Variants in CNOT2 observed in about 807,000 individuals in gnomAD.
CNOT2 encodes the protein CC chemokine receptor 4-negative regulator of transcription 2.
A neutral mutation model predicts 72.1 loss-of-function variants in CNOT2; 7 were observed. The observed-to-expected ratio is 0.10, with a 90% CI of 0.06 to 0.18. The LOEUF (loss-of-function observed/expected upper bound fraction) is 0.18. Among genes scored for constraint, CNOT2 ranks in the 10% least tolerant of loss-of-function variants. CNOT2 has a pLI of 1.00. For synonymous variants in CNOT2, 196 were observed against 225.6 expected (o/e 0.87, Z 1.17); for missense variants, 345 against 660.3 (o/e 0.52, Z 5.23).
chr12:70,285,121 T>G (rs1423107828), intron 2 of CNOT2, among the ~76,000 whole-genome samples: 1 of 152,238 alleles, frequency 6.6e-6, no homozygotes, highest in East Asian at 1.9e-4. Flanking sequence ...GTGTACTCAT[T>G]AAATCAAAAG....
intron 1 of CNOT2, among the ~76,000 whole-genome samples, chr12:70,252,515 A>C (rs1958192015): frequency 6.6e-6 from 1 of 152,208 alleles, no homozygotes; most frequent in Admixed American, 6.5e-5. Context: ...TTATCATAAC[A>C]AAAGTTAATG....
intron 1 of CNOT2, among the ~76,000 whole-genome samples, chr12:70,267,567 T>C (rs896279662): frequency 1.8e-4 from 28 of 152,246 alleles, no homozygotes; most frequent in Admixed American, 1.6e-3. Context: ...TGAACACATC[T>C]TTTTTGAGTA....
intron 1 of CNOT2, among the ~76,000 whole-genome samples, chr12:70,254,345 TAATC>T (rs1449925781): frequency 6.6e-6 from 1 of 152,146 alleles, no homozygotes; most frequent in Non-Finnish European, 1.5e-5. Context: ...GTCAGTCTGA[TAATC>T]AAGATAGTTA....
At chr12:70,321,684 G>C (rs1878325394) in intron 4 of CNOT2, 1 of 151,760 alleles carries the variant, frequency 6.6e-6, no homozygotes, top group South Asian at 2.1e-4. Context: ...CATTAAAAAT[G>C]TGAGATCTAC....
intron 3 of CNOT2, among the ~76,000 whole-genome samples, chr12:70,314,154 T>C (rs1876931376): frequency 6.6e-6 from 1 of 152,192 alleles, no homozygotes; most frequent in South Asian, 2.1e-4. Flanking sequence ...ATTGCATTTT[T>C]CAGATTGGTT....
chr12:70,309,859 T>C (rs945896727), intron 2 of CNOT2, among the ~76,000 whole-genome samples: 2 of 152,090 alleles, frequency 1.3e-5, no homozygotes, highest in Admixed American at 1.3e-4. Context: ...TAATTAAAAA[T>C]TAAAATTAGC....
Position 70,283,001 on chromosome 12 carries a change from A to G in CNOT2, c.48+4727A>G, listed in dbSNP as rs570378930. On this transcript the variant is annotated intron_variant, in intron 2 of 15. Transcript: ENST00000229195. ...AAAATACAAACTACTTAATATAAAC[A>G]GAAACAAATGAATCACTAAGTATAT... is the stretch of plus-strand genomic sequence containing the variant. 2.0e-5 allele frequency among the ~76,000 whole-genome samples: 3 copies of G among 152,338 alleles called. No individual in the cohort carries two copies. The South Asian group carries it at 6.2e-4, about 32-fold the overall frequency.
intron 2 of CNOT2, among the ~76,000 whole-genome samples, chr12:70,300,839 T>A (rs975652628): frequency 5.9e-5 from 9 of 152,246 alleles, no homozygotes; most frequent in Non-Finnish European, 1.3e-4. Context: ...ATATTGATTC[T>A]TCCTACGTAT....
chr12:70,350,205 A>C (rs1010690277), intron 15 of CNOT2, among the ~76,000 whole-genome samples: 7 of 152,178 alleles, frequency 4.6e-5, no homozygotes, highest in African/African-American at 1.7e-4. Context: ...GTTAATTTTT[A>C]GGTGATAGAG....
intron 11 of CNOT2, among the ~76,000 whole-genome samples, chr12:70,340,257 C>T (rs573272486): frequency 1.3e-5 from 2 of 152,292 alleles, no homozygotes; most frequent in South Asian, 4.1e-4. Flanking sequence ...CTCCTTGATA[C>T]ACATTCTTGT....
chr12:70,354,132 A>G lies in CNOT2; in HGVS notation c.*217A>G. 1 of 892,206 alleles carries G rather than the reference A, an allele frequency of 1.1e-6. No homozygotes were observed. The allele number at this position is 892,206 out of a possible 1,614,324, so 55.3% of individuals were successfully genotyped here. ...CTAAATTTGTAATTTGTTTTTCTCT[A>G]GTTTGAGCAGGGTCTGAATTTTTTC... On this transcript the variant is annotated 3_prime_UTR_variant, in exon 16 of 16. Transcript: ENST00000229195.
intron 11 of CNOT2, 189 bp from the exon 12 acceptor site, chr12:70,341,918 A>G (rs1475107082): frequency 8.2e-6 from 5 of 610,728 alleles, no homozygotes; most frequent in Non-Finnish European, 1.2e-5. Flanking sequence ...AAGGAGTCCT[A>G]TCATATTTTA....
chr12:70,315,434 T>G (rs1877168602), intron 3 of CNOT2, among the ~76,000 whole-genome samples: 1 of 152,178 alleles, frequency 6.6e-6, no homozygotes, highest in Non-Finnish European at 1.5e-5. Flanking sequence ...AGGAATTATA[T>G]TATCACCATA....
At chr12:70,342,453 G>A (rs1881634102) in intron 13 of CNOT2, 146 bp downstream of exon 13, 3 of 961,694 alleles carry the variant, frequency 3.1e-6, no homozygotes. Flanking sequence ...CTTGTTAAAT[G>A]GTAAATGTTA....
At position 70,354,801 on chromosome 12, in the gene CNOT2, G is replaced by T. The variant is rs950047643; in HGVS notation, c.*886G>T. 1 of 152,518 alleles carries T rather than the reference G, an allele frequency of 6.6e-6. No homozygotes were observed. The highest frequency in any genetic ancestry group is 2.4e-5 in the African/African-American group (1 of 41,412). 9.4% of individuals were successfully genotyped at this position (152,518 alleles called of 1,614,324 possible). Reference sequence around the variant, plus strand: ...CTTTGTCGCCCTGTGCACTAAAAGGGCCAGATTTTCAGCAGCCAAGGACAT... The same window carrying T: ...CTTTGTCGCCCTGTGCACTAAAAGGTCCAGATTTTCAGCAGCCAAGGACAT... On this transcript the variant is annotated 3_prime_UTR_variant, in exon 16 of 16. Transcript: ENST00000229195.
intron 2 of CNOT2, among the ~76,000 whole-genome samples, chr12:70,291,007 T>C (rs1593140512): frequency 6.6e-6 from 1 of 152,310 alleles, no homozygotes; most frequent in South Asian, 2.1e-4. Flanking sequence ...TCATTTAGAA[T>C]GAAAAATAAA....
At chr12:70,265,734 G>A (rs891759767) in intron 1 of CNOT2, among the ~76,000 whole-genome samples, 1 of 151,772 alleles carries the variant, frequency 6.6e-6, no homozygotes, top group African/African-American at 2.4e-5. Flanking sequence ...ATTGACCTGA[G>A]AGCTTTTCAA....
At chr12:70,331,627 C>A (rs1023998410) in intron 6 of CNOT2, 2 of 151,872 alleles carry the variant, frequency 1.3e-5, no homozygotes, top group African/African-American at 4.8e-5. Context: ...TCTCTGAGCA[C>A]TTATTCCATG....
upstream of CNOT2, chr12:70,243,234 G>A (rs1016301653): frequency 1.3e-5 from 2 of 152,572 alleles, no homozygotes; most frequent in Non-Finnish European, 2.9e-5. Flanking sequence ...AAGACGGAGC[G>A]GCGGTAAGGG....
Sources: gnomAD v4.1 joint callset for allele counts (sites outside exome capture counted in the v4.1 genomes callset) on GRCh38, gnomAD v4.1.1 for gene constraint, MANE v1.5 for transcripts, NCBI Gene and HGNC (gene_info 2026-07-23, HGNC 2026-07-21) for gene names.